Variants in PGAP4 observed in about 807,000 individuals in gnomAD.
PGAP4 encodes the protein post-GPI attachment to proteins GalNAc transferase 4.
In PGAP4, 12 loss-of-function variants were observed where a neutral mutation model predicts 28.2. That is an observed-to-expected ratio of 0.42 (90% CI 0.27 to 0.69). The LOEUF is 0.69. PGAP4 is among the 30% of genes least tolerant of loss of function. The pLI, the probability that PGAP4 is intolerant of heterozygous loss-of-function variation, is 0.22. For missense variants in PGAP4, 425 were observed against 513.5 expected, an observed-to-expected ratio of 0.83 and a Z score of 1.67; for synonymous variants, 205 against 211.8, an observed-to-expected ratio of 0.97 and a Z score of 0.28.
chr9:101,514,435 A>G (rs1344166772), intron 2 of PGAP4, among the ~76,000 whole-genome samples: 1 of 152,214 alleles, frequency 6.6e-6, no homozygotes, highest in Non-Finnish European at 1.5e-5. Context: ...GTAAAGCAGA[A>G]AGAAAATCAA....
At chr9:101,526,647 C>G (rs533184960) in intron 2 of PGAP4, among the ~76,000 whole-genome samples, 41 of 152,196 alleles carry the variant, frequency 2.7e-4, no homozygotes, top group Non-Finnish European at 5.0e-4. Flanking sequence ...TGGGGTTTCA[C>G]CATGTTGGCC....
At position 101,497,435 on chromosome 9, in the gene PGAP4, T is replaced by C. The variant is rs111367853; in HGVS notation, c.-164-8235A>G. ...AATAACTTGGAAGAGTTAGCTGTTGTTTTAAACCAACAATATTAATTTAGT... is the reference window on the plus strand; with the variant it reads ...AATAACTTGGAAGAGTTAGCTGTTGCTTTAAACCAACAATATTAATTTAGT... On this transcript the variant is annotated intron_variant, in intron 2 of 3. Coordinates refer to the PGAP4 transcript ENST00000374851. Among the ~76,000 whole-genome samples the C allele has an allele frequency of 7.9e-4, 120 of 151,782 alleles. 1 individual carries two copies. The highest frequency in any genetic ancestry group is 2.6e-3 in the African/African-American group (106 of 41,520).
In PGAP4 at chr9:101,476,652, C is replaced by G; in HGVS notation, c.441G>C (p.Glu147Asp). The change falls in exon 2 of 2, where the codon GAG becomes GAC. Residue 147 changes from glutamate to aspartate, a missense_variant. By Grantham distance (45) the Glu-to-Asp change is conservative. Transcript: ENST00000374848. The surrounding 1 kb of genome is among the most constrained non-coding windows in gnomAD (Gnocchi z 7.0). ...TGGCATCAAAATGGCTCACACTACG[C>G]TCCACGTTGCACAGGAAGAGTTGGT... is the stretch of plus-strand genomic sequence containing the variant. ...EGHQLFLCNV[E>D]RSVSHFDAKL... The G allele has an allele frequency of 6.2e-7, 1 of 1,614,236 alleles. No homozygotes were observed. Among genetic ancestry groups the G allele is most frequent in the Non-Finnish European group, 8.5e-7 (1 of 1,180,054 alleles).
chr9:101,481,957 T>TC (rs1826501851), intron 1 of PGAP4, among the ~76,000 whole-genome samples: 1 of 152,068 alleles, frequency 6.6e-6, no homozygotes, highest in Non-Finnish European at 1.5e-5. Context: ...CCTGCCACAC[T>TC]CTAGTTCCTC....
rs74461880 is a variant in PGAP4 at position 101,514,826 on chromosome 9, G to A, written c.-165+16522C>T. On this transcript the variant is annotated intron_variant, in intron 2 of 3. Transcript: ENST00000374851. ...GAACAAACTGAATTATAGTTGATCA[G>A]GTGTGAACCATTTCCCTCATCATGA... Among the ~76,000 whole-genome samples the A allele has an allele frequency of 3.5e-4, 53 of 152,228 alleles. 1 individual carries two copies. In the East Asian group the frequency reaches 0.01, roughly 29 times the overall value.
At chr9:101,526,740 C>T (rs907734339) in intron 2 of PGAP4, among the ~76,000 whole-genome samples, 6 of 152,318 alleles carry the variant, frequency 3.9e-5, no homozygotes, top group African/African-American at 7.2e-5. Flanking sequence ...TGAGCCACTG[C>T]GCCTGGCCCC....
rs144555651 is a variant in PGAP4 at position 101,494,861 on chromosome 9, G to A, written c.-164-5661C>T. Among the ~76,000 whole-genome samples, 59 of 151,308 alleles carry A rather than the reference G, an allele frequency of 3.9e-4. No individual in the cohort carries two copies. The East Asian group carries it at 0.01, about 26-fold the overall frequency. ...AAGATAACCAGAATCAGGACTGACA[G>A]CATTACACCAGGACCATTAGACTTT... On this transcript the variant is annotated intron_variant, in intron 2 of 3. Coordinates refer to the PGAP4 transcript ENST00000374851.
At chr9:101,527,618 C>T (rs965646926) in intron 2 of PGAP4, among the ~76,000 whole-genome samples, 2 of 152,066 alleles carry the variant, frequency 1.3e-5, no homozygotes, top group Non-Finnish European at 2.9e-5. Context: ...CAAAGGAAAA[C>T]AATTTTCTCA....
intron 2 of PGAP4, among the ~76,000 whole-genome samples, chr9:101,498,549 G>A (rs1464645575): frequency 6.6e-6 from 1 of 151,052 alleles, no homozygotes; most frequent in Non-Finnish European, 1.5e-5. Context: ...TGAGATAGCA[G>A]TGAGTTTTAT....
chr9:101,477,241 AAAGG>A, intron 1 of PGAP4, 72 bp from the exon 2 acceptor site: 1 of 1,249,074 alleles, frequency 8.0e-7, no homozygotes, highest in Non-Finnish European at 1.1e-6. Flanking sequence ...CAAAAAAACA[AAAGG>A]ACAAGAACTG....
chr9:101,503,834 CTA>C (rs1356180478), intron 2 of PGAP4, among the ~76,000 whole-genome samples: 1 of 152,040 alleles, frequency 6.6e-6, no homozygotes, highest in Non-Finnish European at 1.5e-5. Context: ...GAAGAGTTTG[CTA>C]TGTTTCCCTA....
Position 101,475,100 on chromosome 9 carries a change from C to G in PGAP4, c.*781G>C, listed in dbSNP as rs189442616. On this transcript the variant is annotated 3_prime_UTR_variant, in exon 2 of 2. Transcript: ENST00000374848. The stretch of plus-strand genomic sequence containing the variant: ...GATATGCTACTTGTAAAGAGCTCCC[C>G]TATATTGTATCATTCTGAAATGTCC... The G allele has an allele frequency of 6.6e-6, 1 of 151,950 alleles. No homozygotes were observed. Among genetic ancestry groups the G allele is most frequent in the African/African-American group, 2.4e-5 (1 of 41,334 alleles). 9.4% of individuals were successfully genotyped at this position (151,950 alleles called of 1,614,324 possible).
intron 1 of PGAP4, among the ~76,000 whole-genome samples, chr9:101,485,502 TAAAGTGTTTA>T (rs1826593211): frequency 6.6e-6 from 1 of 152,140 alleles, no homozygotes; most frequent in African/African-American, 2.4e-5. Flanking sequence ...GTAATACACA[TAAAGTGTTTA>T]AAAGTCAGGA....
intron 2 of PGAP4, among the ~76,000 whole-genome samples, chr9:101,530,358 TCAA>T (rs1827077693): frequency 6.6e-6 from 1 of 152,184 alleles, no homozygotes; most frequent in African/African-American, 2.4e-5. Context: ...CTTGGGTCCT[TCAA>T]CAAATACTCA....
Position 101,475,799 on chromosome 9 carries a change from G to T in PGAP4, c.*82C>A. 2 of 1,410,916 alleles carry T rather than the reference G, an allele frequency of 1.4e-6. No homozygotes were observed. The highest frequency in any genetic ancestry group is 1.9e-6 in the Non-Finnish European group (2 of 1,026,110). 87.4% of individuals were successfully genotyped at this position (1,410,916 alleles called of 1,614,324 possible). On this transcript the variant is annotated 3_prime_UTR_variant, in exon 2 of 2. Coordinates refer to ENST00000374848, the MANE Select transcript of PGAP4 (RefSeq NM_032342.3). Reference sequence around the variant, plus strand: ...AACAACAGTAAACAGTGAAATACCTGCAGGCAACCATGTCTAAATAAAGAG... The same window carrying T: ...AACAACAGTAAACAGTGAAATACCTTCAGGCAACCATGTCTAAATAAAGAG...
At chr9:101,518,239 A>T (rs1278249999) in intron 2 of PGAP4, among the ~76,000 whole-genome samples, 2 of 152,140 alleles carry the variant, frequency 1.3e-5, no homozygotes, top group African/African-American at 4.8e-5. Flanking sequence ...GCTTCATCAT[A>T]TTCCATAGTG....
At chr9:101,522,329 T>C (rs1281044099) in intron 2 of PGAP4, among the ~76,000 whole-genome samples, 1 of 152,184 alleles carries the variant, frequency 6.6e-6, no homozygotes, top group Non-Finnish European at 1.5e-5. Context: ...TCCCCTACTA[T>C]TATTATGTTG....
chr9:101,485,411 A>G (rs1826589369), intron 1 of PGAP4, among the ~76,000 whole-genome samples: 1 of 152,184 alleles, frequency 6.6e-6, no homozygotes, highest in Non-Finnish European at 1.5e-5. Flanking sequence ...CCAAAAGATC[A>G]TTTGGAATTA....
At chr9:101,516,302 A>T (rs1024783024) in intron 2 of PGAP4, among the ~76,000 whole-genome samples, 2 of 152,144 alleles carry the variant, frequency 1.3e-5, no homozygotes, top group Non-Finnish European at 2.9e-5. Context: ...ATCTGCCTTA[A>T]CTATTTCTCA....
Sources: allele counts gnomAD v4.1 joint callset (sites outside exome capture counted in the v4.1 genomes callset), GRCh38; gene constraint gnomAD v4.1.1; non-coding constraint Gnocchi (gnomAD v3.1); transcripts MANE v1.5; gene names NCBI Gene and HGNC (gene_info 2026-07-23, HGNC 2026-07-21).